The following LMNB2 variants were observed in gnomAD, a reference collection of about 807,000 sequenced individuals.
LMNB2 encodes the protein lamin-B2.
Under a neutral mutation model 69.3 loss-of-function variants are expected in LMNB2, and 17 were observed. The ratio of observed to expected loss-of-function variants is 0.25; its 90% CI spans 0.17 to 0.37. The LOEUF (loss-of-function observed/expected upper bound fraction) is 0.37. Ranked by LOEUF, LMNB2 falls within the 10% of genes least tolerant of loss-of-function variation. LMNB2 has a pLI of 1.00. For missense variants in LMNB2, 789 were observed against 883.6 expected (o/e 0.89, Z 1.36); for synonymous variants, 397 against 389.3 (o/e 1.02, Z -0.23).
intron 2 of LMNB2, among the ~76,000 whole-genome samples, chr19:2,442,375 TA>T (rs998702344): frequency 6.6e-6 from 1 of 152,084 alleles, no homozygotes; most frequent in African/African-American, 2.4e-5. Flanking sequence ...GTGGATCGCT[TA>T]AGTCCAGGAG....
intron 4 of LMNB2, chr19:2,436,979 C>G (rs996990963): frequency 6.6e-6 from 1 of 152,334 alleles, no homozygotes. Context: ...AGTCTCTTCA[C>G]GGGCTGTCTC....
rs558659573 is a variant in LMNB2 at position 2,447,099 on chromosome 19, G to A, written c.265-2559C>T. 5.3e-5 allele frequency among the ~76,000 whole-genome samples: 8 copies of A among 151,964 alleles called. No homozygotes were observed. The South Asian group carries it at 1.7e-3, about 32-fold the overall frequency. ...GTGGAACTTGCAGTGAGCCGAGATC[G>A]CACCACTGCCCTCCAGCCTGGGAGA... On this transcript the variant is annotated intron_variant, in intron 1 of 11. Transcript: ENST00000325327. This position sits in a 1 kb window ranked among gnomAD's most constrained non-coding sequence, Gnocchi z 4.4.
chr19:2,450,091 A>AATACATATACAT (rs147019959), intron 1 of LMNB2, among the ~76,000 whole-genome samples: 279 of 147,794 alleles, frequency 1.9e-3, no homozygotes, highest in African/African-American at 6.4e-3. Context: ...AAGAAAATAA[A>AATACATATACAT]ATACATATAC....
At chr19:2,440,979 G>A (rs889646258) in intron 2 of LMNB2, among the ~76,000 whole-genome samples, 1 of 152,186 alleles carries the variant, frequency 6.6e-6, no homozygotes, top group Non-Finnish European at 1.5e-5. Context: ...CCTAGGATCC[G>A]TAATAAATCT....
At chr19:2,456,548 C>A (rs1413126250) in intron 1 of LMNB2, 122 bp downstream of exon 1, 3 of 1,067,984 alleles carry the variant, frequency 2.8e-6, no homozygotes, top group Non-Finnish European at 1.2e-6. Context: ...CCCGCGGAAA[C>A]CCCCGAAGCC....
In LMNB2 at chr19:2,428,674, C is replaced by A. The variant is rs1366508126; in HGVS notation, c.*2237G>T. 1.3e-5 allele frequency: 2 copies of A among 152,284 alleles called. No individual in the cohort carries two copies. The highest frequency in any genetic ancestry group is 4.1e-4 in the South Asian group (2 of 4,832). 9.4% of individuals were successfully genotyped at this position (152,284 alleles called of 1,614,324 possible). A position where few individuals can be genotyped will look rare whatever the true frequency, so the allele number is the denominator to read the frequency against. On this transcript the variant is annotated 3_prime_UTR_variant, in exon 12 of 12. Transcript: ENST00000325327. ...GGAGGGCGCTAGGCTTCGAGTCACA[C>A]GGCACGGGCTTACACAGAGGGATGG...
In LMNB2 at chr19:2,430,236, GCA is replaced by G. The variant is rs900728329; in HGVS notation, c.*673_*674del. On this transcript the variant is annotated 3_prime_UTR_variant, in exon 12 of 12. Transcript: ENST00000325327. Reference sequence around the variant, plus strand: ...TCCCCTCCCCTGCCCTGTTGGCCTTGCACAGTCAGGAACTGAACTGCGGGAAA... The same window carrying G: ...TCCCCTCCCCTGCCCTGTTGGCCTTGCAGTCAGGAACTGAACTGCGGGAAA... The G allele has an allele frequency of 5.5e-5, 9 of 163,478 alleles. No individual in the cohort carries two copies. In the South Asian group the frequency reaches 9.7e-4, roughly 18 times the overall value. 10.1% of individuals were successfully genotyped at this position (163,478 alleles called of 1,614,324 possible). A position where few individuals can be genotyped will look rare whatever the true frequency, so the allele number is the denominator to read the frequency against.
intron 1 of LMNB2, among the ~76,000 whole-genome samples, chr19:2,450,091 A>AATACATATACATATACATATACAT (rs147019959): frequency 0.055 from 8,155 of 147,502 alleles, 310 homozygotes; most frequent in East Asian, 0.19. Context: ...AAGAAAATAA[A>AATACATATACATATACATATACAT]ATACATATAC....
At chr19:2,451,132 TG>T (rs1284903659) in intron 1 of LMNB2, among the ~76,000 whole-genome samples, 3 of 152,020 alleles carry the variant, frequency 2.0e-5, no homozygotes, top group Non-Finnish European at 4.4e-5. Context: ...TCCCAGCTAC[TG>T]GGGAGGCTGA....
chr19:2,451,882 C>T (rs558672374), intron 1 of LMNB2, among the ~76,000 whole-genome samples: 32 of 152,166 alleles, frequency 2.1e-4, no homozygotes, highest in African/African-American at 7.0e-4. Flanking sequence ...TCGCCTGGGC[C>T]GCCTCCGAGA....
At position 2,438,490 on chromosome 19, in the gene LMNB2, C is replaced by T. The variant is rs779429811; in HGVS notation, c.443G>A (p.Arg148His). 4.1e-5 allele frequency: 66 copies of T among 1,610,990 alleles called. No individual in the cohort carries two copies. The highest frequency in any genetic ancestry group is 8.3e-5 in the Admixed American group (5 of 59,952). Reference sequence around the variant, plus strand: ...GAACAGGGACTCCAGGTCCTTCACACGGCCCTGGGCCACCGTAAGCTCGCC... The same window carrying T: ...GAACAGGGACTCCAGGTCCTTCACATGGCCCTGGGCCACCGTAAGCTCGCC... ...REGELTVAQG[R>H]VKDLESLFHR... Residue 148 changes from arginine (R) to histidine (H), a missense_variant, in exon 3 of 12, where the codon CGT becomes CAT. Physicochemically the swap from Arg to His is conservative, Grantham distance 29. Around this residue, in one of 3 missense-constraint regions of LMNB2, gnomAD observed 145 missense variants for 228.9 expected, o/e 0.63. Coordinates refer to ENST00000325327, the MANE Select transcript of LMNB2 (RefSeq NM_032737.4).
At chr19:2,437,661 C>T (rs1971843892) in intron 4 of LMNB2, among the ~76,000 whole-genome samples, 1 of 152,068 alleles carries the variant, frequency 6.6e-6, no homozygotes, top group Admixed American at 6.6e-5. Context: ...ATTACCTGGG[C>T]ATGGTGGTGC....
chr19:2,448,234 C>T (rs1971980828), intron 1 of LMNB2, among the ~76,000 whole-genome samples: 1 of 152,188 alleles, frequency 6.6e-6, no homozygotes, highest in African/African-American at 2.4e-5. Context: ...CAGCTGGGCA[C>T]CAGGTGCAGG....
intron 2 of LMNB2, among the ~76,000 whole-genome samples, chr19:2,439,282 A>G (rs559388959): frequency 6.6e-6 from 1 of 151,978 alleles, no homozygotes; most frequent in Non-Finnish European, 1.5e-5. Context: ...AACAGTGAGG[A>G]CACCCAGGGT....
intron 9 of LMNB2, 29 bp from the exon 10 acceptor site, chr19:2,431,931 A>G (rs1201132755): frequency 6.3e-7 from 1 of 1,599,900 alleles, no homozygotes. Context: ...TGGCCCCATC[A>G]GGGTCACCTC....
intron 1 of LMNB2, among the ~76,000 whole-genome samples, chr19:2,449,253 T>A (rs533189079): frequency 1.1e-3 from 161 of 152,228 alleles, no homozygotes; most frequent in African/African-American, 3.6e-3. Context: ...GCCCACAGCA[T>A]TCCACAGAGG....
At chr19:2,444,330 C>T in intron 2 of LMNB2, 74 bp downstream of exon 2, 1 of 1,580,142 alleles carries the variant, frequency 6.3e-7, no homozygotes, top group Non-Finnish European at 8.7e-7. Context: ...CGCACGAGCC[C>T]AGCGCCCACC....
At chr19:2,432,571 A>ACCGC (rs1476510626) in intron 8 of LMNB2, 48 bp from the exon 9 acceptor site, 1 of 1,485,282 alleles carries the variant, frequency 6.7e-7, no homozygotes, top group Non-Finnish European at 9.4e-7. Flanking sequence ...GGACTGTGAC[A>ACCGC]CCGCCCCCAT....
At chr19:2,451,985 C>G (rs1418163846) in intron 1 of LMNB2, among the ~76,000 whole-genome samples, 2 of 152,050 alleles carry the variant, frequency 1.3e-5, no homozygotes, top group Non-Finnish European at 2.9e-5. Flanking sequence ...GAACGTAAGG[C>G]CTGGCAGGGA....
Sources: gnomAD v4.1 joint callset for allele counts (sites outside exome capture counted in the v4.1 genomes callset) on GRCh38, gnomAD v4.1.1 for gene constraint, gnomAD v4.1.1 regional missense constraint, Gnocchi (gnomAD v3.1) non-coding constraint, MANE v1.5 for transcripts, NCBI Gene and HGNC (gene_info 2026-07-23, HGNC 2026-07-21) for gene names.